Variants in RHEX observed in about 807,000 individuals in gnomAD.
RHEX encodes the protein regulator of hemoglobinization and erythroid cell expansion protein.
A neutral mutation model predicts 20.1 loss-of-function variants in RHEX; 18 were observed. The observed-to-expected ratio is 0.90, with a 90% CI of 0.62 to 1.33. The LOEUF (loss-of-function observed/expected upper bound fraction) is 1.33, where lower values mean the gene tolerates loss of function less well. RHEX is among the 40% of genes most tolerant of loss of function. The pLI, the probability that RHEX is intolerant of heterozygous loss-of-function variation, is 0.00. For synonymous variants in RHEX, 87 were observed against 77.1 expected, an observed-to-expected ratio of 1.13 and a Z score of -0.67; for missense variants, 192 against 214.3, an observed-to-expected ratio of 0.90 and a Z score of 0.65.
rs1174542539 is a variant in RHEX, at chr1:206,062,711, C to T, written c.-97+9446C>T. 2.0e-5 allele frequency among the ~76,000 whole-genome samples: 3 copies of T among 152,180 alleles called. No individual in the cohort carries two copies. In the East Asian group the frequency reaches 5.8e-4, roughly 29 times the overall value. On this transcript the variant is annotated intron_variant, in intron 1 of 5. Transcript: ENST00000331555. Reference sequence around the variant, plus strand: ...GAGCTCCCAGGAAGCATGGGGGCCACCTGAGAAAGGGGACGGGGGAGGAGT... The same window carrying T: ...GAGCTCCCAGGAAGCATGGGGGCCATCTGAGAAAGGGGACGGGGGAGGAGT...
At position 206,099,794 on chromosome 1, in the gene RHEX, C is replaced by T. The variant is rs782345006; in HGVS notation, c.252C>T (p.Tyr84=). Residue 84 remains tyrosine, a synonymous_variant, in exon 4 of 6, where the codon TAC becomes TAT. Coordinates refer to ENST00000331555, the MANE Select transcript of RHEX (RefSeq NM_001007544.4). ...ERDIPMSDSL[Y]RHDSDTPSDS... Reference sequence around the variant, plus strand: ...ACATCCCAATGTCTGATTCCCTTTACAGGCGTGAGTAAGGGGTTGGAGGGA... The same window carrying T: ...ACATCCCAATGTCTGATTCCCTTTATAGGCGTGAGTAAGGGGTTGGAGGGA... 5.0e-6 allele frequency: 8 copies of T among 1,613,852 alleles called. No homozygotes were observed. Among genetic ancestry groups the T allele is most frequent in the East Asian group, 2.2e-5 (1 of 44,888 alleles).
chr1:206,060,795 G>A (rs541199879), intron 1 of RHEX: 7 of 152,282 alleles, frequency 4.6e-5, no homozygotes, highest in South Asian at 4.1e-4. Flanking sequence ...CTCCTGGTGG[G>A]TCTCTTGTCC....
At chr1:206,084,548 A>C (rs1662800035) in intron 1 of RHEX, among the ~76,000 whole-genome samples, 1 of 152,162 alleles carries the variant, frequency 6.6e-6, no homozygotes, top group Non-Finnish European at 1.5e-5. Flanking sequence ...GCTTTTCTCC[A>C]TCTCTCCAAC....
At chr1:206,066,605 G>T in intron 1 of RHEX, among the ~76,000 whole-genome samples, 1 of 152,162 alleles carries the variant, frequency 6.6e-6, no homozygotes, top group South Asian at 2.1e-4. Flanking sequence ...CAACAAGAGA[G>T]AGACTCTGTC....
Position 206,097,827 on chromosome 1 carries a change from T to A in RHEX, c.-2T>A. ...CCCCAACTTATCAGCAAGGAGCTCATCATGCTGACAGAGTGAGTGGGCCCA... is the reference window on the plus strand; with the variant it reads ...CCCCAACTTATCAGCAAGGAGCTCAACATGCTGACAGAGTGAGTGGGCCCA... On this transcript the variant is annotated 5_prime_UTR_variant, in exon 2 of 6. Coordinates refer to ENST00000331555, the MANE Select transcript of RHEX (RefSeq NM_001007544.4). 1 of 1,610,570 alleles carries A rather than the reference T, an allele frequency of 6.2e-7. No individual in the cohort carries two copies. Among genetic ancestry groups the A allele is most frequent in the Non-Finnish European group, 8.5e-7 (1 of 1,176,742 alleles).
chr1:206,071,886 G>C (rs1289707029), intron 1 of RHEX, among the ~76,000 whole-genome samples: 1 of 151,002 alleles, frequency 6.6e-6, no homozygotes, highest in Non-Finnish European at 1.5e-5. Flanking sequence ...GAAAAAGAAA[G>C]TGTAAAAAAT....
rs575182681 is a variant in RHEX at position 206,058,847 on chromosome 1, T to C, written c.-97+5582T>C. On this transcript the variant is annotated intron_variant, in intron 1 of 5. Transcript: ENST00000331555. ...GCAGTAGCCTGCTGATGCTCCCAGC[T>C]GAATAAAGCCCTTCCTTCTACAATT... Among the ~76,000 whole-genome samples the C allele has an allele frequency of 3.9e-5, 6 of 152,332 alleles. No homozygotes were observed. The East Asian group carries it at 1.2e-3, about 29-fold the overall frequency.
chr1:206,063,516 G>A (rs919527781), intron 1 of RHEX, among the ~76,000 whole-genome samples: 14 of 152,294 alleles, frequency 9.2e-5, no homozygotes, highest in East Asian at 1.9e-4. Context: ...CTCAGCCTGC[G>A]GAGTGCCTGC....
At position 206,099,810 on chromosome 1, in the gene RHEX, G is replaced by T; in HGVS notation, c.256+12G>T. 6.2e-7 allele frequency: 1 copy of T among 1,613,146 alleles called. No individual in the cohort carries two copies. The highest frequency in any genetic ancestry group is 1.3e-5 in the African/African-American group (1 of 75,024). ...TTCCCTTTACAGGCGTGAGTAAGGGGTTGGAGGGAGAACTTGTCTAGGGAC... is the reference window on the plus strand; with the variant it reads ...TTCCCTTTACAGGCGTGAGTAAGGGTTTGGAGGGAGAACTTGTCTAGGGAC... On this transcript the variant is annotated intron_variant, in intron 4 of 5. Transcript: ENST00000331555.
rs781859274 is a variant in RHEX at position 206,099,723 on chromosome 1, C to T, written c.181C>T (p.His61Tyr). ...TCCCAGGCCCAGCCCTGGCCACCAT[C>T]ATCCACCTGCTGTCAAAGAGATGAA... ...QVPRPSPGHH[H>Y]PPAVKEMKET... The change falls in exon 4 of 6, where the codon CAT becomes TAT. Residue 61 changes from histidine to tyrosine, a missense_variant. His to Tyr is a moderately conservative substitution (Grantham distance 83). Transcript: ENST00000331555. 6.2e-7 allele frequency: 1 copy of T among 1,613,918 alleles called. No individual in the cohort carries two copies. The highest frequency in any genetic ancestry group is 8.5e-7 in the Non-Finnish European group (1 of 1,179,894).
chr1:206,074,745 A>T (rs1662599528), intron 1 of RHEX, among the ~76,000 whole-genome samples: 1 of 152,200 alleles, frequency 6.6e-6, no homozygotes, highest in South Asian at 2.1e-4. Flanking sequence ...TTGGGTGCTG[A>T]CATGATGCCA....
chr1:206,097,873 C>T, intron 2 of RHEX, 34 bp downstream of exon 2: 4 of 1,465,178 alleles, frequency 2.7e-6, no homozygotes, highest in Non-Finnish European at 3.8e-6. Context: ...GAGCAAGGTT[C>T]CCACCAAGCT....
chr1:206,081,463 G>A (rs1208167256), intron 1 of RHEX, among the ~76,000 whole-genome samples: 1 of 152,200 alleles, frequency 6.6e-6, no homozygotes, highest in Non-Finnish European at 1.5e-5. Flanking sequence ...GAAAAATGTA[G>A]TCCAGAGGGG....
intron 1 of RHEX, among the ~76,000 whole-genome samples, chr1:206,072,829 CTTTTTTTTT>C (rs71152466): frequency 8.2e-6 from 1 of 121,650 alleles, no homozygotes; most frequent in African/African-American, 3.2e-5. Context: ...CCTCCTGTGT[CTTTTTTTTT>C]TTTTTTTTTT....
At chr1:206,096,777 TTTG>T (rs1422025863) in intron 1 of RHEX, among the ~76,000 whole-genome samples, 5 of 137,690 alleles carry the variant, frequency 3.6e-5, no homozygotes, top group African/African-American at 1.3e-4. Context: ...TTTTTTTTTT[TTTG>T]GTTTTTTTTT....
chr1:206,066,220 C>A (rs1662420223), intron 1 of RHEX, among the ~76,000 whole-genome samples: 1 of 152,236 alleles, frequency 6.6e-6, no homozygotes, highest in Non-Finnish European at 1.5e-5. Flanking sequence ...ATCTGCGAAT[C>A]TCTTATCTAT....
chr1:206,055,143 A>G (rs975824253), intron 1 of RHEX, among the ~76,000 whole-genome samples: 2 of 152,388 alleles, frequency 1.3e-5, no homozygotes, highest in East Asian at 3.9e-4. Flanking sequence ...GCTTGGAGTA[A>G]TAAGTCATGC....
At chr1:206,101,702 C>A in intron 5 of RHEX, 50 bp from the exon 6 acceptor site, 8 of 1,435,200 alleles carry the variant, frequency 5.6e-6, no homozygotes, top group Non-Finnish European at 6.8e-6. Context: ...TCTTATTTCC[C>A]CCAAACGTGG....
At position 206,099,774 on chromosome 1, in the gene RHEX, C is replaced by A. The variant is rs1663150967; in HGVS notation, c.232C>A (p.Pro78Thr). Residue 78 changes from proline (P) to threonine (T), a missense_variant, in exon 4 of 6, where the codon CCA becomes ACA. By Grantham distance (38) the Pro-to-Thr change is conservative. Transcript: ENST00000331555. ...MKETQTERDI[P>T]MSDSLYRHDS... ...GGAGACTCAGACAGAGAGAGACATC[C>A]CAATGTCTGATTCCCTTTACAGGCG... The A allele has an allele frequency of 6.2e-7, 1 of 1,613,738 alleles. No individual in the cohort carries two copies. The highest frequency in any genetic ancestry group is 1.3e-5 in the African/African-American group (1 of 74,904).
Sources: gnomAD v4.1 joint callset for allele counts (sites outside exome capture counted in the v4.1 genomes callset) on GRCh38, gnomAD v4.1.1 for gene constraint, MANE v1.5 for transcripts, NCBI Gene and HGNC (gene_info 2026-07-23, HGNC 2026-07-21) for gene names.